The following MACROD2 variants were observed in gnomAD, a reference collection of about 807,000 sequenced individuals.
The protein encoded by MACROD2 is ADP-ribose glycohydrolase MACROD2.
In MACROD2, 36 loss-of-function variants were observed where a neutral mutation model predicts 70.4. The ratio of observed to expected loss-of-function variants is 0.51; its 90% CI spans 0.39 to 0.68. MACROD2 has a LOEUF of 0.68. Ranked by LOEUF, MACROD2 falls within the 30% of genes least tolerant of loss-of-function variation. The pLI is 0.00. For synonymous variants in MACROD2, 172 were observed against 178.8 expected (o/e 0.96, Z 0.30); for missense variants, 496 against 538.4 (o/e 0.92, Z 0.78).
Position 14,875,251 on chromosome 20 carries a change from C to T in MACROD2, c.418+190292C>T, listed in dbSNP as rs535121911. Among the ~76,000 whole-genome samples the T allele has an allele frequency of 3.6e-4, 55 of 151,888 alleles. 1 individual carries two copies. The highest frequency in any genetic ancestry group is 5.2e-4 in the Admixed American group (8 of 15,258). On this transcript the variant is annotated intron_variant, in intron 5 of 17. Coordinates refer to ENST00000684519, the MANE Select transcript of MACROD2 (RefSeq NM_001351661.2). ...CAAAAATTAGCCAGGCGTGGTGGCA[C>T]GTGCCTGTAGTTCCAACTACTTGGG...
intron 8 of MACROD2, among the ~76,000 whole-genome samples, chr20:15,799,182 T>C (rs1402446736): frequency 6.6e-6 from 1 of 152,160 alleles, no homozygotes; most frequent in Non-Finnish European, 1.5e-5. Flanking sequence ...AAGAAACACT[T>C]TATATTGATA....
intron 3 of MACROD2, among the ~76,000 whole-genome samples, chr20:14,481,242 T>C (rs1048994367): frequency 2.0e-5 from 3 of 152,158 alleles, no homozygotes; most frequent in Non-Finnish European, 4.4e-5. Context: ...TCTTTCAGCA[T>C]TGATAATTAA....
intron 8 of MACROD2, among the ~76,000 whole-genome samples, chr20:15,512,052 A>G (rs1395753391): frequency 1.3e-5 from 2 of 152,222 alleles, no homozygotes; most frequent in African/African-American, 2.4e-5. Context: ...GGAAAAGGCT[A>G]TGTTAAGTGA....
chr20:14,422,446 T>C (rs180944997), intron 3 of MACROD2, among the ~76,000 whole-genome samples: 1 of 152,328 alleles, frequency 6.6e-6, no homozygotes, highest in African/African-American at 2.4e-5. Flanking sequence ...CTTCTGCCAT[T>C]TGTTATTTGT....
chr20:15,225,404 TATTC>T (rs1339791640), intron 5 of MACROD2, among the ~76,000 whole-genome samples: 1 of 152,208 alleles, frequency 6.6e-6, no homozygotes, highest in African/African-American at 2.4e-5. Flanking sequence ...ATAGCTAATG[TATTC>T]ACATAACTTG....
intron 5 of MACROD2, among the ~76,000 whole-genome samples, chr20:15,215,118 T>C (rs999164702): frequency 1.3e-5 from 2 of 152,164 alleles, no homozygotes; most frequent in Non-Finnish European, 2.9e-5. Context: ...TGTATTATAT[T>C]TATAAAAGAT....
At chr20:15,984,116 T>A (rs909816793) in intron 13 of MACROD2, among the ~76,000 whole-genome samples, 1 of 86,718 alleles carries the variant, frequency 1.2e-5, no homozygotes, top group Non-Finnish European at 3.0e-5. Context: ...TTTTATAGAC[T>A]TTTTTTAACT....
chr20:16,037,996 C>T (rs1422122435), intron 15 of MACROD2, among the ~76,000 whole-genome samples: 1 of 151,756 alleles, frequency 6.6e-6, no homozygotes, highest in Admixed American at 6.6e-5. Context: ...CAAATTCTCT[C>T]AGTCATATTC....
intron 4 of MACROD2, among the ~76,000 whole-genome samples, chr20:14,673,477 G>GT (rs1248005351): frequency 1.3e-5 from 2 of 152,158 alleles, no homozygotes; most frequent in African/African-American, 4.8e-5. Flanking sequence ...TTGAGGCTGG[G>GT]TATGGGAATC....
At chr20:14,871,951 C>T (rs1325040801) in intron 5 of MACROD2, among the ~76,000 whole-genome samples, 1 of 152,030 alleles carries the variant, frequency 6.6e-6, no homozygotes, top group Non-Finnish European at 1.5e-5. Context: ...GTAAAGGGTT[C>T]AATTCAGGAA....
chr20:14,298,262 C>T (rs574236535), intron 3 of MACROD2, among the ~76,000 whole-genome samples: 18 of 151,654 alleles, frequency 1.2e-4, no homozygotes, highest in Admixed American at 2.6e-4. Context: ...TTCTAGTCTT[C>T]GTATATAAGA....
At chr20:15,625,418 G>T (rs2049187631) in intron 8 of MACROD2, among the ~76,000 whole-genome samples, 1 of 152,136 alleles carries the variant, frequency 6.6e-6, no homozygotes, top group South Asian at 2.1e-4. Flanking sequence ...ATATGGAAAG[G>T]TCAATGGCAA....
rs2064116491 is a variant in MACROD2, at chr20:15,836,546, G to A, written c.646-26199G>A. Among the ~76,000 whole-genome samples the A allele has an allele frequency of 2.0e-5, 3 of 152,236 alleles. 1 individual carries two copies. In the South Asian group the frequency reaches 6.2e-4, roughly 32 times the overall value. On this transcript the variant is annotated intron_variant, in intron 8 of 17. Coordinates refer to ENST00000684519, the MANE Select transcript of MACROD2 (RefSeq NM_001351661.2). ...GATGTTGGTTTAGTTTCATGTGGTT[G>A]ACAAGAAAAAGCATTCATTTACCTG...
intron 5 of MACROD2, among the ~76,000 whole-genome samples, chr20:15,108,409 T>G (rs1369560204): frequency 2.6e-5 from 4 of 152,196 alleles, no homozygotes; most frequent in Non-Finnish European, 5.9e-5. Context: ...ATGCTTCTAT[T>G]TTAGCCAAAA....
chr20:14,191,246 C>T (rs1180226792), intron 3 of MACROD2, among the ~76,000 whole-genome samples: 2 of 152,096 alleles, frequency 1.3e-5, no homozygotes, highest in Admixed American at 6.6e-5. Flanking sequence ...TCTTATAAAG[C>T]CCAGCTCCTC....
At chr20:15,571,922 C>T (rs144976047) in intron 8 of MACROD2, among the ~76,000 whole-genome samples, 200 of 152,170 alleles carry the variant, frequency 1.3e-3, no homozygotes, top group African/African-American at 4.5e-3. Context: ...ATCACATTTA[C>T]GAAACTTATT....
chr20:15,043,498 C>G (rs2075370521), intron 5 of MACROD2, among the ~76,000 whole-genome samples: 1 of 152,228 alleles, frequency 6.6e-6, no homozygotes, highest in Admixed American at 6.5e-5. Flanking sequence ...CACATTCTCT[C>G]TCTGGAGTTT....
intron 5 of MACROD2, among the ~76,000 whole-genome samples, chr20:15,111,100 A>G (rs1358986588): frequency 6.6e-6 from 1 of 152,032 alleles, no homozygotes; most frequent in Non-Finnish European, 1.5e-5. Context: ...TGACTCACAC[A>G]TATAATCAAT....
At chr20:14,792,454 G>A (rs543998066) in intron 5 of MACROD2, among the ~76,000 whole-genome samples, 1 of 152,128 alleles carries the variant, frequency 6.6e-6, no homozygotes, top group East Asian at 1.9e-4. Flanking sequence ...TACTGGTTAG[G>A]AATAGTCTTC....
Sources: gnomAD v4.1 joint callset for allele counts (sites outside exome capture counted in the v4.1 genomes callset) on GRCh38, gnomAD v4.1.1 for gene constraint, MANE v1.5 for transcripts, NCBI Gene and HGNC (gene_info 2026-07-23, HGNC 2026-07-21) for gene names.